IFT80: variants seen among roughly 807,000 people sequenced by gnomAD.
IFT80 encodes intraflagellar transport 80.
A neutral mutation model predicts 107.9 loss-of-function variants in IFT80; 79 were observed. The ratio of observed to expected loss-of-function variants is 0.73; its 90% CI spans 0.61 to 0.88. The LOEUF (loss-of-function observed/expected upper bound fraction) is 0.88. Among genes scored for constraint, IFT80 ranks in the 40% least tolerant of loss-of-function variants. The pLI is 0.00. For synonymous variants in IFT80, 299 were observed against 300.9 expected (o/e 0.99, Z 0.07); for missense variants, 797 against 914.2 (o/e 0.87, Z 1.65).
intron 8 of IFT80, among the ~76,000 whole-genome samples, chr3:160,337,306 T>C (rs1051997671): frequency 1.3e-5 from 2 of 152,162 alleles, no homozygotes; most frequent in Non-Finnish European, 2.9e-5. Context: ...ATGTTTATAA[T>C]AGTTTGATTA....
intron 8 of IFT80, among the ~76,000 whole-genome samples, chr3:160,329,351 A>G (rs1454751313): frequency 6.6e-6 from 1 of 152,186 alleles, no homozygotes; most frequent in African/African-American, 2.4e-5. Context: ...GGAATGAGAC[A>G]GCTGCCCTGG....
In IFT80 at chr3:160,357,521, T is replaced by A. The variant is rs745539825; in HGVS notation, c.607A>T (p.Ile203Phe). The change falls in exon 7 of 20, where the codon ATT becomes TTT. Residue 203 changes from isoleucine (I) to phenylalanine (F), a missense_variant. Ile to Phe is a conservative substitution (Grantham distance 21, BLOSUM62 0). Coordinates refer to ENST00000326448, the MANE Select transcript of IFT80 (RefSeq NM_020800.3). ...TTACAGTCTTCACCAGCAGATAAAA[T>A]AAGATCATTGACCGAGTTCCAATCT... Reference protein sequence around the residue: ...KVDWNSVNDLILSAGEDCKYK... With the variant: ...KVDWNSVNDLFLSAGEDCKYK... 1.9e-6 allele frequency: 3 copies of A among 1,593,582 alleles called. No individual in the cohort carries two copies. The highest frequency in any genetic ancestry group is 4.5e-5 in the East Asian group (2 of 44,672).
intron 9 of IFT80, among the ~76,000 whole-genome samples, chr3:160,314,380 A>T (rs1432863445): frequency 6.6e-6 from 1 of 152,164 alleles, no homozygotes; most frequent in Non-Finnish European, 1.5e-5. Flanking sequence ...GACATCAAGG[A>T]TCTCTTTTGG....
At chr3:160,351,577 A>AT (rs1345770268) in intron 8 of IFT80, among the ~76,000 whole-genome samples, 10 of 107,506 alleles carry the variant, frequency 9.3e-5, no homozygotes, top group Non-Finnish European at 1.9e-4. Flanking sequence ...ATACACACAT[A>AT]TATTATATGT....
intron 13 of IFT80, among the ~76,000 whole-genome samples, chr3:160,284,809 A>G (rs1486020382): frequency 3.3e-5 from 5 of 152,234 alleles, no homozygotes; most frequent in Non-Finnish European, 7.3e-5. Flanking sequence ...TGAAAAAAGC[A>G]AAGTGTAAAA....
chr3:160,376,362 CT>C (rs1215758012), intron 4 of IFT80, among the ~76,000 whole-genome samples: 1 of 152,134 alleles, frequency 6.6e-6, no homozygotes, highest in Non-Finnish European at 1.5e-5. Flanking sequence ...GTAGAGAGAG[CT>C]GTTTGTTAAG....
rs189394866 is a variant in IFT80 at position 160,384,910 on chromosome 3, G to A, written c.-46-264C>T. Among the ~76,000 whole-genome samples, 16 of 152,308 alleles carry A rather than the reference G, an allele frequency of 1.1e-4. No homozygotes were observed. In the East Asian group the frequency reaches 1.9e-3, roughly 18 times the overall value. On this transcript the variant is annotated intron_variant, in intron 1 of 19. Coordinates refer to ENST00000326448, the MANE Select transcript of IFT80 (RefSeq NM_020800.3). Reference sequence around the variant, plus strand: ...GAACACCACTAGGTAAATCTGGTCAGGTAAAGAATTTCCATGTCCTGAGGC... The same window carrying A: ...GAACACCACTAGGTAAATCTGGTCAAGTAAAGAATTTCCATGTCCTGAGGC...
intron 19 of IFT80, among the ~76,000 whole-genome samples, chr3:160,264,398 T>C (rs1713119890): frequency 6.7e-6 from 1 of 149,078 alleles, no homozygotes. Context: ...AATGAGACTC[T>C]GTGCCTGGCC....
At chr3:160,279,607 T>C (rs1714532710) in intron 15 of IFT80, among the ~76,000 whole-genome samples, 1 of 152,238 alleles carries the variant, frequency 6.6e-6, no homozygotes, top group African/African-American at 2.4e-5. Context: ...TAACTTGCTA[T>C]ATAAAGTAGC....
At chr3:160,309,491 T>C (rs1211616079) in intron 9 of IFT80, among the ~76,000 whole-genome samples, 5 of 152,102 alleles carry the variant, frequency 3.3e-5, no homozygotes, top group Non-Finnish European at 7.4e-5. Context: ...ATCGAGACCA[T>C]CCTGGCTAAT....
chr3:160,317,561 C>T (rs565359560), intron 9 of IFT80, among the ~76,000 whole-genome samples: 11 of 151,926 alleles, frequency 7.2e-5, no homozygotes, highest in Non-Finnish European at 1.3e-4. Context: ...TAATATTATA[C>T]CCCAATTAGT....
intron 18 of IFT80, among the ~76,000 whole-genome samples, chr3:160,273,835 A>C (rs1036903894): frequency 3.3e-5 from 5 of 152,306 alleles, no homozygotes; most frequent in African/African-American, 1.2e-4. Flanking sequence ...TCATCTTTTC[A>C]GGTAGACTCA....
intron 9 of IFT80, among the ~76,000 whole-genome samples, chr3:160,311,177 C>T: frequency 6.6e-6 from 1 of 151,826 alleles, no homozygotes. Flanking sequence ...GTAATCATAC[C>T]ACAAAGATGG....
intron 5 of IFT80, among the ~76,000 whole-genome samples, chr3:160,374,221 G>A (rs1481943470): frequency 6.6e-6 from 1 of 151,936 alleles, no homozygotes; most frequent in African/African-American, 2.4e-5. Context: ...TAAAGCAGGA[G>A]GATCACTTGA....
intron 5 of IFT80, among the ~76,000 whole-genome samples, chr3:160,369,111 G>T (rs557373862): frequency 1.7e-4 from 26 of 151,754 alleles, no homozygotes; most frequent in African/African-American, 6.3e-4. Context: ...CTTCCCTTTT[G>T]GGACAAAGAG....
intron 8 of IFT80, among the ~76,000 whole-genome samples, chr3:160,346,204 A>G (rs1452308773): frequency 3.3e-5 from 5 of 152,204 alleles, no homozygotes; most frequent in African/African-American, 1.2e-4. Context: ...AGCATGGTTA[A>G]TAATAATAAC....
At chr3:160,293,737 A>C (rs910269739) in intron 12 of IFT80, among the ~76,000 whole-genome samples, 2 of 152,140 alleles carry the variant, frequency 1.3e-5, no homozygotes, top group Admixed American at 6.5e-5. Flanking sequence ...CACCAGAAAG[A>C]CCAATCTCAT....
chr3:160,265,311 G>C (rs1436270378), intron 19 of IFT80, among the ~76,000 whole-genome samples: 1 of 152,182 alleles, frequency 6.6e-6, no homozygotes, highest in Non-Finnish European at 1.5e-5. Context: ...CTGTAAAGCA[G>C]CTTTTCGGTA....
intron 5 of IFT80, among the ~76,000 whole-genome samples, chr3:160,370,453 G>A (rs1214270371): frequency 1.3e-5 from 2 of 151,808 alleles, no homozygotes; most frequent in Non-Finnish European, 2.9e-5. Flanking sequence ...TTATTTGTAG[G>A]AGACATGAGC....
Sources: allele counts gnomAD v4.1 joint callset (sites outside exome capture counted in the v4.1 genomes callset), GRCh38; gene constraint gnomAD v4.1.1; transcripts MANE v1.5; gene names NCBI Gene and HGNC (gene_info 2026-07-23, HGNC 2026-07-21).